Variants in ANKS1B observed in about 807,000 individuals in gnomAD.
ANKS1B encodes ankyrin repeat and sterile alpha motif domain-containing protein 1B.
Under a neutral mutation model 148.3 loss-of-function variants are expected in ANKS1B, and 36 were observed. The observed-to-expected ratio is 0.24, with a 90% CI of 0.19 to 0.32. The LOEUF is 0.32. ANKS1B is among the 10% of genes least tolerant of loss of function. The pLI, the probability that ANKS1B is intolerant of heterozygous loss-of-function variation, is 1.00. For missense variants in ANKS1B, 1,157 were observed against 1,542.6 expected (o/e 0.75, Z 4.19); for synonymous variants, 542 against 560.8 (o/e 0.97, Z 0.47).
intron 9 of ANKS1B, among the ~76,000 whole-genome samples, chr12:99,582,214 T>C (rs1225254429): frequency 1.3e-5 from 2 of 152,016 alleles, no homozygotes; most frequent in African/African-American, 2.4e-5. Flanking sequence ...ATGGAAATTA[T>C]TGAATCAACC....
intron 14 of ANKS1B, among the ~76,000 whole-genome samples, chr12:99,215,049 T>G (rs2083944478): frequency 1.3e-5 from 2 of 152,160 alleles, no homozygotes; most frequent in Non-Finnish European, 2.9e-5. Flanking sequence ...AGAGGTGACT[T>G]TGGAGCTCTT....
intron 8 of ANKS1B, among the ~76,000 whole-genome samples, chr12:99,725,005 A>G (rs971223359): frequency 1.3e-5 from 2 of 152,202 alleles, no homozygotes; most frequent in East Asian, 3.8e-4. Flanking sequence ...CCCTGAGGGA[A>G]GCACTAAATA....
intron 14 of ANKS1B, among the ~76,000 whole-genome samples, chr12:99,173,037 T>A (rs1236516512): frequency 6.6e-6 from 1 of 152,194 alleles, no homozygotes; most frequent in African/African-American, 2.4e-5. Flanking sequence ...CTAAAATCCA[T>A]GAAATCTGTG....
intron 16 of ANKS1B, among the ~76,000 whole-genome samples, chr12:99,080,805 C>T (rs7307199): frequency 0.56 from 84,798 of 151,954 alleles, 24,662 homozygotes; most frequent in East Asian, 0.74. Flanking sequence ...TCCAAAGAGA[C>T]AGAAAAAGCA....
chr12:98,781,313 AACACACAC>A (rs59308427), intron 23 of ANKS1B, 110 bp from the exon 24 acceptor site: 83 of 614,082 alleles, frequency 1.4e-4, no homozygotes, highest in Middle Eastern at 1.3e-3. Context: ...AAACAACAAC[AACACACAC>A]ACACACACAC....
chr12:99,716,741 A>C (rs1320580813), intron 8 of ANKS1B, among the ~76,000 whole-genome samples: 1 of 151,346 alleles, frequency 6.6e-6, no homozygotes, highest in South Asian at 2.1e-4. Context: ...ATCGTCCCAA[A>C]TCTTCCTTCT....
chr12:99,428,010 G>A (rs7308659), intron 11 of ANKS1B, among the ~76,000 whole-genome samples: 2,057 of 152,290 alleles, frequency 0.014, 46 homozygotes, highest in South Asian at 0.04. Flanking sequence ...ATGCCTTATC[G>A]AGTAAGAAGT....
intron 12 of ANKS1B, among the ~76,000 whole-genome samples, chr12:99,287,451 C>G (rs952724218): frequency 1.3e-5 from 2 of 152,222 alleles, no homozygotes; most frequent in South Asian, 4.1e-4. Context: ...TACAAATAAG[C>G]TCAGACTGCA....
chr12:99,002,502 G>A (rs1026523796), intron 17 of ANKS1B, among the ~76,000 whole-genome samples: 1 of 106,210 alleles, frequency 9.4e-6, no homozygotes, highest in Non-Finnish European at 2.0e-5. Context: ...TTTTTTTTTT[G>A]TGATGAGAAC....
At chr12:99,666,632 T>C (rs1432111480) in intron 8 of ANKS1B, among the ~76,000 whole-genome samples, 1 of 152,162 alleles carries the variant, frequency 6.6e-6, no homozygotes, top group Non-Finnish European at 1.5e-5. Context: ...CATATCTTGT[T>C]AAATATGAAG....
chr12:99,015,716 A>G (rs2099942113), intron 17 of ANKS1B, among the ~76,000 whole-genome samples: 1 of 152,076 alleles, frequency 6.6e-6, no homozygotes, highest in African/African-American at 2.4e-5. Flanking sequence ...AATACAAAAA[A>G]TTAGCCTGGC....
intron 15 of ANKS1B, among the ~76,000 whole-genome samples, chr12:99,133,120 C>T (rs142066778): frequency 0.065 from 9,531 of 147,366 alleles, 668 homozygotes; most frequent in African/African-American, 0.18. Flanking sequence ...GGTGCGATCT[C>T]GGCTCACTGC....
chr12:99,399,634 T>C lies in ANKS1B; in HGVS notation c.1753A>G (p.Thr585Ala), dbSNP rs2094349802. 1 of 1,613,084 alleles carries C rather than the reference T, an allele frequency of 6.2e-7. No individual in the cohort carries two copies. Among genetic ancestry groups the C allele is most frequent in the Non-Finnish European group, 8.5e-7 (1 of 1,179,264 alleles). ...TGCATAAAGTGAACTGCTTTACCTG[T>C]ATGGTTAGTTCCCTCATTCTTGACT... ...TEVKNEGTNH[T>A]DDLSRQDDND... Residue 585 changes from threonine (T) to alanine (A), a missense_variant, in exon 12 of 27, where the codon ACA (threonine) becomes GCA (alanine). Thr to Ala is a moderately conservative substitution (Grantham distance 58). Transcript: ENST00000683438.
intron 1 of ANKS1B, among the ~76,000 whole-genome samples, chr12:99,840,458 T>A (rs2085538506): frequency 6.6e-6 from 1 of 152,058 alleles, no homozygotes; most frequent in African/African-American, 2.4e-5. Context: ...GCTGCTCTGC[T>A]AAGAATAGTC....
intron 8 of ANKS1B, among the ~76,000 whole-genome samples, chr12:99,767,305 G>A (rs1243254120): frequency 6.6e-6 from 1 of 152,004 alleles, no homozygotes; most frequent in Non-Finnish European, 1.5e-5. Context: ...GATGCTGCTT[G>A]TGTCAAGAGA....
intron 1 of ANKS1B, among the ~76,000 whole-genome samples, chr12:99,901,506 T>C (rs2093599377): frequency 6.6e-6 from 1 of 152,176 alleles, no homozygotes; most frequent in Non-Finnish European, 1.5e-5. Flanking sequence ...CTGCACACTG[T>C]GGGAACACAC....
intron 17 of ANKS1B, among the ~76,000 whole-genome samples, chr12:98,936,765 A>G (rs541019158): frequency 1.2e-4 from 19 of 152,172 alleles, no homozygotes; most frequent in African/African-American, 4.6e-4. Flanking sequence ...TAATCCCAGT[A>G]ATGTTTTATA....
intron 10 of ANKS1B, among the ~76,000 whole-genome samples, chr12:99,460,781 T>C (rs999303016): frequency 1.3e-5 from 2 of 151,902 alleles, no homozygotes; most frequent in African/African-American, 4.8e-5. Context: ...AGGGAACACT[T>C]TTACATTGTT....
chr12:99,294,975 G>C (rs1448166461), intron 12 of ANKS1B, among the ~76,000 whole-genome samples: 2 of 152,184 alleles, frequency 1.3e-5, no homozygotes, highest in Non-Finnish European at 2.9e-5. Context: ...GTAACACAAA[G>C]AAATAATAAA....
Sources: gnomAD v4.1 joint callset for allele counts (sites outside exome capture counted in the v4.1 genomes callset) on GRCh38, gnomAD v4.1.1 for gene constraint, MANE v1.5 for transcripts, NCBI Gene and HGNC (gene_info 2026-07-23, HGNC 2026-07-21) for gene names.